The following COL24A1 variants were observed in gnomAD, a reference collection of about 807,000 sequenced individuals.
COL24A1 encodes collagen alpha-1(XXIV) chain.
Under a neutral mutation model 253.9 loss-of-function variants are expected in COL24A1, and 224 were observed. The ratio of observed to expected loss-of-function variants is 0.88; its 90% CI spans 0.79 to 0.99. The LOEUF (loss-of-function observed/expected upper bound fraction) is 0.99. COL24A1 is among the 50% of genes least tolerant of loss of function. The pLI, the probability that COL24A1 is intolerant of heterozygous loss-of-function variation, is 0.00. For synonymous variants in COL24A1, 685 were observed against 673.7 expected (o/e 1.02, Z -0.26); for missense variants, 2,131 against 2,068.5 (o/e 1.03, Z -0.59).
chr1:85,747,147 T>G (rs1368993614), intron 55 of COL24A1, among the ~76,000 whole-genome samples: 1 of 148,972 alleles, frequency 6.7e-6, no homozygotes, highest in African/African-American at 2.5e-5. Context: ...AGTCTCGCTC[T>G]GTCACCCAGG....
chr1:86,125,493 C>G lies in COL24A1; in HGVS notation c.843G>C (p.Glu281Asp). The G allele has an allele frequency of 6.2e-7, 1 of 1,613,498 alleles. No individual in the cohort carries two copies. Residue 281 changes from glutamate (E) to aspartate (D), a missense_variant, in exon 3 of 60, where the codon GAG becomes GAC. Glu to Asp is a conservative substitution (Grantham distance 45). Transcript: ENST00000370571. ...PKLFAEKVLS[E>D]DTFTEGKSIP... Reference sequence around the variant, plus strand: ...TGCTTTTGCCTTCAGTAAATGTATCCTCTGACAGTACTTTTTCAGCAAATA... The same window carrying G: ...TGCTTTTGCCTTCAGTAAATGTATCGTCTGACAGTACTTTTTCAGCAAATA...
chr1:86,061,847 A>G (rs1701115039), intron 8 of COL24A1, among the ~76,000 whole-genome samples: 1 of 152,078 alleles, frequency 6.6e-6, no homozygotes. Flanking sequence ...ATACAGTTAT[A>G]TCAACAGCCC....
intron 18 of COL24A1, among the ~76,000 whole-genome samples, chr1:86,017,835 C>T (rs1199596806): frequency 6.6e-6 from 1 of 152,182 alleles, no homozygotes; most frequent in Non-Finnish European, 1.5e-5. Flanking sequence ...AATCATTATT[C>T]CTTCTCTTCA....
At chr1:85,771,915 C>T (rs1668010936) in intron 53 of COL24A1, among the ~76,000 whole-genome samples, 1 of 148,348 alleles carries the variant, frequency 6.7e-6, no homozygotes, top group African/African-American at 2.5e-5. Flanking sequence ...CGTCATCTAG[C>T]ATTAGGTATA....
chr1:86,078,636 T>C (rs1023516386), intron 7 of COL24A1, among the ~76,000 whole-genome samples: 1 of 152,138 alleles, frequency 6.6e-6, no homozygotes, highest in Non-Finnish European at 1.5e-5. Flanking sequence ...AAAATCAACA[T>C]ACAAAAATCA....
intron 2 of COL24A1, among the ~76,000 whole-genome samples, chr1:86,132,628 T>C (rs895420258): frequency 5.9e-5 from 9 of 152,250 alleles, no homozygotes; most frequent in Non-Finnish European, 1.3e-4. Context: ...AGGGAATCCT[T>C]TCCCCATTTC....
chr1:86,151,610 C>A (rs1652785231), intron 1 of COL24A1, among the ~76,000 whole-genome samples: 1 of 152,062 alleles, frequency 6.6e-6, no homozygotes, highest in Non-Finnish European at 1.5e-5. Context: ...AATAGATATC[C>A]AAAGACCATA....
chr1:85,770,366 A>G (rs1416646806), intron 53 of COL24A1, among the ~76,000 whole-genome samples: 1 of 151,888 alleles, frequency 6.6e-6, no homozygotes, highest in East Asian at 1.9e-4. Context: ...TCAAGACTTT[A>G]CTGCTATATT....
At chr1:85,800,525 A>T (rs1018739442) in intron 47 of COL24A1, among the ~76,000 whole-genome samples, 3 of 152,226 alleles carry the variant, frequency 2.0e-5, no homozygotes, top group African/African-American at 4.8e-5. Flanking sequence ...GACATTGAAA[A>T]CACATTTGGT....
chr1:85,775,527 A>T (rs1668452655), intron 53 of COL24A1, 147 bp downstream of exon 53: 2 of 647,638 alleles, frequency 3.1e-6, no homozygotes, highest in Non-Finnish European at 2.7e-6. Context: ...TGCATCGGTT[A>T]ATTCTACTTC....
At chr1:85,730,817 G>T in intron 59 of COL24A1, 125 bp from the exon 60 acceptor site, 1 of 926,554 alleles carries the variant, frequency 1.1e-6, no homozygotes, top group Non-Finnish European at 1.6e-6. Context: ...AAAGTGCCTA[G>T]AACAATGCTC....
chr1:85,830,607 C>G (rs1026902871), intron 43 of COL24A1, among the ~76,000 whole-genome samples: 2 of 152,084 alleles, frequency 1.3e-5, no homozygotes, highest in Admixed American at 6.6e-5. Context: ...GAGCCATGTG[C>G]GGGATATAAT....
At chr1:85,876,936 C>T (rs1486377709) in intron 33 of COL24A1, among the ~76,000 whole-genome samples, 186 bp downstream of exon 33, 1 of 152,048 alleles carries the variant, frequency 6.6e-6, no homozygotes, top group Non-Finnish European at 1.5e-5. Flanking sequence ...TAGAGTAGAA[C>T]TTTATATGTA....
intron 24 of COL24A1, among the ~76,000 whole-genome samples, chr1:85,954,749 C>T (rs1690260889): frequency 6.6e-6 from 1 of 152,038 alleles, no homozygotes; most frequent in South Asian, 2.1e-4. Flanking sequence ...AGAAGGTATA[C>T]AACAGCTTTA....
chr1:86,126,628 A>G (rs1648348522), intron 2 of COL24A1, among the ~76,000 whole-genome samples: 1 of 151,998 alleles, frequency 6.6e-6, no homozygotes. Flanking sequence ...GCATGCCATC[A>G]TACCTGGCTA....
intron 37 of COL24A1, among the ~76,000 whole-genome samples, chr1:85,851,072 C>A (rs1677717955): frequency 6.7e-6 from 1 of 150,108 alleles, no homozygotes; most frequent in Non-Finnish European, 1.5e-5. Flanking sequence ...ATATACTTAT[C>A]CAAACTCATC....
chr1:86,000,583 C>A (rs1695299498), intron 19 of COL24A1, among the ~76,000 whole-genome samples: 1 of 152,162 alleles, frequency 6.6e-6, no homozygotes, highest in Non-Finnish European at 1.5e-5. Flanking sequence ...CAGCTGGCCA[C>A]AGTCTAGCTT....
intron 7 of COL24A1, among the ~76,000 whole-genome samples, chr1:86,064,313 T>C (rs1701322282): frequency 6.6e-6 from 1 of 152,090 alleles, no homozygotes; most frequent in South Asian, 2.1e-4. Flanking sequence ...GTCTAGGGAA[T>C]TAGTAACAAA....
chr1:86,009,596 A>T (rs996957086), intron 19 of COL24A1, among the ~76,000 whole-genome samples: 1 of 152,202 alleles, frequency 6.6e-6, no homozygotes, highest in African/African-American at 2.4e-5. Context: ...ATGTAGTATA[A>T]AAGATAAAAA....
Sources: allele counts gnomAD v4.1 joint callset (sites outside exome capture counted in the v4.1 genomes callset), GRCh38; gene constraint gnomAD v4.1.1; transcripts MANE v1.5; gene names NCBI Gene and HGNC (gene_info 2026-07-23, HGNC 2026-07-21).